The following LAMB4 variants were observed in gnomAD, a reference collection of about 807,000 sequenced individuals.
LAMB4 encodes the protein laminin subunit beta-4.
A neutral mutation model predicts 199.2 loss-of-function variants in LAMB4; 196 were observed. The observed-to-expected ratio is 0.98, with a 90% CI of 0.88 to 1.11. The LOEUF is 1.11. Among genes scored for constraint, LAMB4 ranks in the 50% least tolerant of loss-of-function variants. The probability of loss-of-function intolerance (pLI) is 0.00; values close to 1 mark genes in which losing one functional copy is unlikely to be tolerated. For synonymous variants in LAMB4, 744 were observed against 770.6 expected, an observed-to-expected ratio of 0.97 and a Z score of 0.57; for missense variants, 2,080 against 2,171.2, an observed-to-expected ratio of 0.96 and a Z score of 0.83.
chr7:108,030,678 T>C (rs2150485466), intron 32 of LAMB4, 128 bp downstream of exon 32: 1 of 848,444 alleles, frequency 1.2e-6, no homozygotes, highest in Non-Finnish European at 1.9e-6. Flanking sequence ...CCCTCAAAGA[T>C]ATACCATTGA....
intron 23 of LAMB4, 108 bp from the exon 24 acceptor site, chr7:108,058,036 G>A (rs540313696): frequency 1.8e-5 from 13 of 736,630 alleles, no homozygotes; most frequent in Non-Finnish European, 3.1e-5. Flanking sequence ...ATACAGCTGT[G>A]CAAAGGCGGA....
intron 29 of LAMB4, among the ~76,000 whole-genome samples, chr7:108,041,107 AAAG>A (rs1273968810): frequency 2.0e-5 from 3 of 152,234 alleles, no homozygotes; most frequent in Admixed American, 6.5e-5. Context: ...ATACTTTTCA[AAAG>A]AAGACATCCA....
At chr7:108,047,762 T>C in intron 28 of LAMB4, 146 bp downstream of exon 28, 1 of 656,594 alleles carries the variant, frequency 1.5e-6, no homozygotes, top group Non-Finnish European at 2.7e-6. Flanking sequence ...TCATCTGTAA[T>C]TTTATCCTAT....
At chr7:108,086,967 A>G (rs2037204525) in intron 14 of LAMB4, among the ~76,000 whole-genome samples, 1 of 152,150 alleles carries the variant, frequency 6.6e-6, no homozygotes, top group Non-Finnish European at 1.5e-5. Flanking sequence ...CTCATTCCCC[A>G]GTCTCCTCTT....
intron 28 of LAMB4, among the ~76,000 whole-genome samples, chr7:108,045,939 ATG>A (rs376513701): frequency 6.6e-6 from 1 of 151,046 alleles, no homozygotes; most frequent in Non-Finnish European, 1.5e-5. Flanking sequence ...GTGTGTGTGC[ATG>A]TGTGTGTGTG....
intron 1 of LAMB4, among the ~76,000 whole-genome samples, chr7:108,128,560 A>G (rs932232377): frequency 7.2e-5 from 11 of 152,078 alleles, no homozygotes; most frequent in African/African-American, 2.7e-4. Flanking sequence ...CTTCCTCCCC[A>G]TTTTCTATTT....
At chr7:108,101,717 C>T (rs2037821192) in intron 10 of LAMB4, among the ~76,000 whole-genome samples, 1 of 152,076 alleles carries the variant, frequency 6.6e-6, no homozygotes, top group Non-Finnish European at 1.5e-5. Context: ...TGGGGTGCAA[C>T]ATTTAAGGAG....
rs761615178 is a variant in LAMB4 at position 108,107,619 on chromosome 7, A to G, written c.591+12T>C. 6.4e-7 allele frequency: 1 copy of G among 1,560,190 alleles called. No individual in the cohort carries two copies. Among genetic ancestry groups the G allele is most frequent in the Non-Finnish European group, 8.7e-7 (1 of 1,154,024 alleles). On this transcript the variant is annotated intron_variant, in intron 6 of 33. Coordinates refer to ENST00000388781, the MANE Select transcript of LAMB4 (RefSeq NM_007356.3). ...AATTTATACAAAATAAATACAAGGA[A>G]GGAAATGCTACCTCTCCACCTGTTG...
intron 29 of LAMB4, among the ~76,000 whole-genome samples, chr7:108,040,323 T>C (rs2035377468): frequency 6.6e-6 from 1 of 152,192 alleles, no homozygotes; most frequent in Admixed American, 6.5e-5. Context: ...ATCATTAAAA[T>C]GGCTATACTG....
chr7:108,087,352 GTACTGGC>G lies in LAMB4; in HGVS notation c.1701+4267_1701+4273del, dbSNP rs200700439. On this transcript the variant is annotated intron_variant, in intron 14 of 33. Transcript: ENST00000388781. ...TGAGAAGGTCTCTTATGTGTAAGAG[GTACTGGC>G]TTTGGGAACAAGACAGCCAACGTCT... 5.9e-3 allele frequency among the ~76,000 whole-genome samples: 898 copies of G among 152,282 alleles called. 13 individuals carry two copies. Among genetic ancestry groups the G allele is most frequent in the African/African-American group, 0.018 (733 of 41,558 alleles).
chr7:108,109,189 G>A lies in LAMB4; in HGVS notation c.384C>T (p.His128=). 6.2e-7 allele frequency: 1 copy of A among 1,612,924 alleles called. No individual in the cohort carries two copies. The highest frequency in any genetic ancestry group is 8.5e-7 in the Non-Finnish European group (1 of 1,179,050). Residue 128 remains histidine (H), a synonymous_variant, in exon 5 of 34, where the codon CAC becomes CAT. Coordinates refer to ENST00000388781, the MANE Select transcript of LAMB4 (RefSeq NM_007356.3). ...TCTGTACCTTAAAGGTCAGGATAAG[G>A]TGGCTGAACCGAAATAATGCCTCTA... The part of the protein sequence containing the change: ...LDLEALFRFS[H]LILTFKTFRP...
In LAMB4 at chr7:108,130,347, G is replaced by A. The variant is rs774218291; in HGVS notation, c.-75C>T. ...TTGTGGAGAGGTTCAGGCAGCAAAC[G>A]GGGCATGTGAAGACACACCTGAAAG... On this transcript the variant is annotated 5_prime_UTR_variant, in exon 1 of 34. Transcript: ENST00000388781. The A allele has an allele frequency of 3.9e-5, 6 of 152,070 alleles. No individual in the cohort carries two copies. Among genetic ancestry groups the A allele is most frequent in the Non-Finnish European group, 5.9e-5 (4 of 68,010 alleles). 9.4% of individuals were successfully genotyped at this position (152,070 alleles called of 1,614,324 possible).
chr7:108,058,213 A>G (rs1394857939), intron 23 of LAMB4, among the ~76,000 whole-genome samples: 1 of 152,228 alleles, frequency 6.6e-6, no homozygotes, highest in Non-Finnish European at 1.5e-5. Flanking sequence ...CAAAACACAT[A>G]ATGGGAAATG....
At chr7:108,073,474 A>G (rs997304961) in intron 17 of LAMB4, among the ~76,000 whole-genome samples, 5 of 152,232 alleles carry the variant, frequency 3.3e-5, no homozygotes, top group Admixed American at 1.3e-4. Flanking sequence ...ATAAATGCAC[A>G]TACCATGTAA....
At position 108,057,941 on chromosome 7, in the gene LAMB4, T is replaced by C. The variant is rs910820723; in HGVS notation, c.3283-13A>G. On this transcript the variant is annotated splice_polypyrimidine_tract_variant and intron_variant, in intron 23 of 33. Coordinates refer to ENST00000388781, the MANE Select transcript of LAMB4 (RefSeq NM_007356.3). ...ACTGGCCTGTAAGCTGTGAGAACAG[T>C]CATGGGTGAGGAATTGACAAGTTTT... is the stretch of plus-strand genomic sequence containing the variant. 4 of 1,588,460 alleles carry C rather than the reference T, an allele frequency of 2.5e-6. No individual in the cohort carries two copies. The highest frequency in any genetic ancestry group is 1.7e-6 in the Non-Finnish European group (2 of 1,156,976).
At chr7:108,106,419 A>C in intron 7 of LAMB4, 90 bp downstream of exon 7, 1 of 767,150 alleles carries the variant, frequency 1.3e-6, no homozygotes, top group Non-Finnish European at 2.1e-6. Flanking sequence ...CTCCGTCTCA[A>C]GAAAAAAAAA....
At chr7:108,106,120 T>C in intron 7 of LAMB4, 89 bp from the exon 8 acceptor site, 4 of 1,036,948 alleles carry the variant, frequency 3.9e-6, no homozygotes, top group South Asian at 1.5e-5. Context: ...TAATATACTA[T>C]AGAAAAGAGA....
At chr7:108,029,759 G>A (rs909067898) in intron 32 of LAMB4, among the ~76,000 whole-genome samples, 10 of 152,152 alleles carry the variant, frequency 6.6e-5, no homozygotes, top group East Asian at 1.9e-4. Context: ...CAACCTAGAA[G>A]GTTAAGTAGA....
chr7:108,062,748 C>G lies in LAMB4; in HGVS notation c.3282+26G>C, dbSNP rs755358174. ...CTCACTATCATGCTCACTTTGAGTG[C>G]ACTAGTAAGCTTTAAAGTATCTTGC... is the stretch of plus-strand genomic sequence containing the variant. On this transcript the variant is annotated intron_variant, in intron 23 of 33. Transcript: ENST00000388781. 31 of 1,273,026 alleles carry G rather than the reference C, an allele frequency of 2.4e-5. 1 individual carries two copies. In the Middle Eastern group the frequency reaches 1.6e-3, roughly 66 times the overall value. The allele number at this position is 1,273,026 out of a possible 1,614,324, so 78.9% of individuals were successfully genotyped here.
Sources: gnomAD v4.1 joint callset for allele counts (sites outside exome capture counted in the v4.1 genomes callset) on GRCh38, gnomAD v4.1.1 for gene constraint, MANE v1.5 for transcripts, NCBI Gene and HGNC (gene_info 2026-07-23, HGNC 2026-07-21) for gene names.